RBFOX1: variants seen among roughly 807,000 people sequenced by gnomAD.
The protein encoded by RBFOX1 is RNA binding protein fox-1 homolog 1.
Under a neutral mutation model 57.7 loss-of-function variants are expected in RBFOX1, and 8 were observed. The observed-to-expected ratio is 0.14, with a 90% CI of 0.08 to 0.25. RBFOX1 has a LOEUF of 0.25. Ranked by LOEUF, RBFOX1 falls within the 10% of genes least tolerant of loss-of-function variation. The pLI is 1.00. For synonymous variants in RBFOX1, 326 were observed against 222.4 expected (o/e 1.47, Z -4.15); for missense variants, 611 against 548.5 (o/e 1.11, Z -1.14).
At chr16:6,604,089 C>T (rs1342819097) in intron 2 of RBFOX1, among the ~76,000 whole-genome samples, 1 of 151,806 alleles carries the variant, frequency 6.6e-6, no homozygotes, top group Non-Finnish European at 1.5e-5. Flanking sequence ...CTTTTTGGTT[C>T]CTTCCTCTAC....
chr16:6,186,044 G>C (rs1039258657), intron 1 of RBFOX1, among the ~76,000 whole-genome samples: 1 of 152,160 alleles, frequency 6.6e-6, no homozygotes, highest in African/African-American at 2.4e-5. Context: ...TGTGTTTCTT[G>C]CAACGGAAGT....
intron 3 of RBFOX1, among the ~76,000 whole-genome samples, chr16:6,674,773 G>T (rs977795913): frequency 6.6e-6 from 1 of 152,188 alleles, no homozygotes; most frequent in Admixed American, 6.5e-5. Flanking sequence ...GCTACAAGAG[G>T]CAAGGAAGGA....
chr16:6,661,405 G>C (rs375704260), intron 3 of RBFOX1, among the ~76,000 whole-genome samples: 3 of 152,194 alleles, frequency 2.0e-5, no homozygotes, highest in South Asian at 2.1e-4. Context: ...GTGTGTGTCT[G>C]AGATTGGCTA....
intron 3 of RBFOX1, among the ~76,000 whole-genome samples, chr16:6,680,264 T>TTC (rs201442990): frequency 3.1e-5 from 4 of 128,302 alleles, no homozygotes; most frequent in Non-Finnish European, 4.9e-5. Context: ...TGCTTTGCTT[T>TTC]TCTCTCTCTC....
intron 3 of RBFOX1, among the ~76,000 whole-genome samples, chr16:6,849,937 G>C (rs540692854): frequency 2.3e-4 from 35 of 152,276 alleles, no homozygotes; most frequent in African/African-American, 7.7e-4. Flanking sequence ...AGATGACTTG[G>C]ATTAGAAAGC....
At chr16:6,926,151 CA>C (rs1173695851) in intron 3 of RBFOX1, among the ~76,000 whole-genome samples, 2 of 151,804 alleles carry the variant, frequency 1.3e-5, no homozygotes, top group Non-Finnish European at 2.9e-5. Context: ...ACTAAAAATA[CA>C]AAAAACTAGC....
chr16:5,784,769 C>T (rs2054443291), intron 3 of RBFOX1, among the ~76,000 whole-genome samples: 1 of 152,096 alleles, frequency 6.6e-6, no homozygotes, highest in South Asian at 2.1e-4. Flanking sequence ...GAAGAGGCCC[C>T]AGAGAGCTGC....
At chr16:6,791,335 AT>A (rs1289469141) in intron 3 of RBFOX1, among the ~76,000 whole-genome samples, 1 of 152,182 alleles carries the variant, frequency 6.6e-6, no homozygotes, top group Non-Finnish European at 1.5e-5. Flanking sequence ...TTGATTATTC[AT>A]TTTAAAATAC....
intron 4 of RBFOX1, among the ~76,000 whole-genome samples, chr16:7,137,842 C>T (rs1283387912): frequency 1.3e-5 from 2 of 152,232 alleles, no homozygotes; most frequent in Non-Finnish European, 2.9e-5. Context: ...CACAGGCTCA[C>T]TACATGTTTT....
At chr16:6,700,215 G>T (rs577828624) in intron 3 of RBFOX1, among the ~76,000 whole-genome samples, 1 of 152,246 alleles carries the variant, frequency 6.6e-6, no homozygotes, top group South Asian at 2.1e-4. Flanking sequence ...AACGTGAGAA[G>T]TGTACCATGC....
chr16:6,774,232 A>G (rs113796849), intron 3 of RBFOX1, among the ~76,000 whole-genome samples: 3,075 of 152,198 alleles, frequency 0.02, 98 homozygotes, highest in African/African-American at 0.069. Context: ...GGTTTTGTCT[A>G]CATTTGAAAG....
At chr16:7,426,113 A>T (rs2098608521) in intron 4 of RBFOX1, among the ~76,000 whole-genome samples, 1 of 152,220 alleles carries the variant, frequency 6.6e-6, no homozygotes, top group Non-Finnish European at 1.5e-5. Context: ...ATACTCAGGA[A>T]AAAGCCAGCG....
intron 3 of RBFOX1, among the ~76,000 whole-genome samples, chr16:6,864,262 A>G (rs2059532354): frequency 6.6e-6 from 1 of 152,152 alleles, no homozygotes; most frequent in African/African-American, 2.4e-5. Context: ...TTCCACATTT[A>G]GACACGTTCA....
intron 2 of RBFOX1, among the ~76,000 whole-genome samples, chr16:6,621,557 G>A (rs1427650347): frequency 3.3e-5 from 5 of 152,122 alleles, no homozygotes; most frequent in East Asian, 1.9e-4. Flanking sequence ...TAATTACATC[G>A]GCAAAGCCCC....
intron 4 of RBFOX1, among the ~76,000 whole-genome samples, chr16:7,375,579 T>A (rs2097671335): frequency 6.6e-6 from 1 of 151,994 alleles, no homozygotes. Flanking sequence ...GAAATGGGTT[T>A]ATACTCTTCT....
rs146344874 is a variant in RBFOX1, at chr16:5,680,374, G to C, written c.318+81413G>C. On this transcript the variant is annotated intron_variant, in intron 3 of 19. Coordinates refer to the RBFOX1 transcript ENST00000641259. ...AACCCTAATGTCCTGTTTAATTTCAGATCTCTCTTTTCACGGATATGGATC... is the reference window on the plus strand; with the variant it reads ...AACCCTAATGTCCTGTTTAATTTCACATCTCTCTTTTCACGGATATGGATC... Among the ~76,000 whole-genome samples, 268 of 152,300 alleles carry C rather than the reference G, an allele frequency of 1.8e-3. 4 individuals are homozygous for C. The highest frequency in any genetic ancestry group is 0.01 in the East Asian group (53 of 5,186).
chr16:5,537,227 C>T (rs758950736), intron 2 of RBFOX1, among the ~76,000 whole-genome samples: 4 of 152,142 alleles, frequency 2.6e-5, no homozygotes, highest in Non-Finnish European at 4.4e-5. Flanking sequence ...CTGTTCAAGG[C>T]GATCTCAGCT....
At chr16:7,650,597 T>G (rs1256972059) in intron 11 of RBFOX1, among the ~76,000 whole-genome samples, 3 of 152,282 alleles carry the variant, frequency 2.0e-5, no homozygotes, top group Non-Finnish European at 4.4e-5. Flanking sequence ...TTCTGTTTCA[T>G]GTTATATCTC....
chr16:5,589,902 C>T (rs901093554), intron 2 of RBFOX1, among the ~76,000 whole-genome samples: 2 of 152,110 alleles, frequency 1.3e-5, no homozygotes, highest in Non-Finnish European at 2.9e-5. Context: ...TAATCTTGTC[C>T]ATCCCACACT....
Sources: gnomAD v4.1 joint callset for allele counts (sites outside exome capture counted in the v4.1 genomes callset) on GRCh38, gnomAD v4.1.1 for gene constraint, MANE v1.5 for transcripts, NCBI Gene and HGNC (gene_info 2026-07-23, HGNC 2026-07-21) for gene names.